NALCN: variants seen among roughly 807,000 people sequenced by gnomAD.
The protein encoded by NALCN is sodium leak channel NALCN.
NALCN carries 111 observed loss-of-function variants against 225.3 expected under a neutral mutation model. That is an observed-to-expected ratio of 0.49 (90% CI 0.42 to 0.58). The LOEUF (loss-of-function observed/expected upper bound fraction) is 0.58, where lower values mean the gene tolerates loss of function less well. Ranked by LOEUF, NALCN falls within the 20% of genes least tolerant of loss-of-function variation. The pLI is 0.00. For synonymous variants in NALCN, 764 were observed against 769.0 expected (o/e 0.99, Z 0.11); for missense variants, 1,378 against 2,202.4 (o/e 0.63, Z 7.49).
intron 40 of NALCN, among the ~76,000 whole-genome samples, chr13:101,064,511 A>C (rs562105090): frequency 6.6e-6 from 1 of 152,192 alleles, no homozygotes; most frequent in African/African-American, 2.4e-5. Flanking sequence ...ATGGACTCCT[A>C]ATGTAATACG....
At chr13:101,345,444 T>C (rs200829438) in intron 6 of NALCN, 24 bp from the exon 7 acceptor site, 3 of 1,604,002 alleles carry the variant, frequency 1.9e-6, no homozygotes, top group East Asian at 2.2e-5. Flanking sequence ...ATGAAAGTGT[T>C]AGACAATTTC....
chr13:101,247,864 C>T (rs2041946885), intron 11 of NALCN, among the ~76,000 whole-genome samples: 1 of 152,072 alleles, frequency 6.6e-6, no homozygotes, highest in African/African-American at 2.4e-5. Context: ...CCATGTTCAG[C>T]TATTCAGTGT....
intron 10 of NALCN, among the ~76,000 whole-genome samples, chr13:101,272,519 T>C (rs2042829785): frequency 6.6e-6 from 1 of 152,094 alleles, no homozygotes; most frequent in Admixed American, 6.5e-5. Context: ...AATCAAGGAA[T>C]CAGAGATCAC....
chr13:101,398,860 T>C (rs906469565), intron 2 of NALCN, among the ~76,000 whole-genome samples, 159 bp downstream of exon 2: 10 of 152,176 alleles, frequency 6.6e-5, no homozygotes, highest in African/African-American at 2.4e-4. Flanking sequence ...GACATCTCAC[T>C]ATTTCATTGG....
At chr13:101,241,645 G>T (rs2041762688) in intron 11 of NALCN, among the ~76,000 whole-genome samples, 1 of 152,016 alleles carries the variant, frequency 6.6e-6, no homozygotes, top group Non-Finnish European at 1.5e-5. Context: ...GTTTCACCAT[G>T]TTGGCCAGGT....
In NALCN at chr13:101,104,388, C is replaced by T; in HGVS notation, c.2796G>A (p.Glu932=). 1 of 1,613,760 alleles carries T rather than the reference C, an allele frequency of 6.2e-7. No homozygotes were observed. The highest frequency in any genetic ancestry group is 2.2e-5 in the East Asian group (1 of 44,868). Residue 932 remains glutamate, a synonymous_variant, in exon 25 of 44, where the codon GAG becomes GAA. Coordinates refer to ENST00000251127, the MANE Select transcript of NALCN (RefSeq NM_052867.4). This position sits in a 1 kb window ranked among gnomAD's most constrained non-coding sequence, Gnocchi z 4.2. ...EYVFVIFMSI[E]LNLKIMADGL... ...CATCTGCCATAATCTTCAGATTAAG[C>T]TCAATGCTCATGAATATCACAAACA...
intron 15 of NALCN, among the ~76,000 whole-genome samples, chr13:101,154,090 G>A (rs543336531): frequency 4.5e-4 from 69 of 152,276 alleles, no homozygotes; most frequent in African/African-American, 1.2e-3. Context: ...GTAAACACGC[G>A]TGCTGGATAT....
rs71121162 is a variant in NALCN, at chr13:101,070,063, G to GTTTTTTTTTTTTTT, written c.4198-1250_4198-1237dup. On this transcript the variant is annotated intron_variant, in intron 37 of 43. Transcript: ENST00000251127. Reference sequence around the variant, plus strand: ...TGACCTCCTTCCATGAATCATGAATGTTTTTTTTTTTTTTTTTTTTTGAGA... The same window carrying GTTTTTTTTTTTTTT: ...TGACCTCCTTCCATGAATCATGAATGTTTTTTTTTTTTTTTTTTTTTTTTTTTTTTTTTTTGAGA... Among the ~76,000 whole-genome samples the GTTTTTTTTTTTTTT allele has an allele frequency of 1.1e-4, 11 of 98,312 alleles. 1 individual carries two copies. The highest frequency in any genetic ancestry group is 1.5e-4 in the Non-Finnish European group (8 of 54,172). 64.5% of individuals were successfully genotyped at this position (98,312 alleles called of 152,430 possible).
At chr13:101,300,084 T>C (rs1294074009) in intron 7 of NALCN, among the ~76,000 whole-genome samples, 1 of 151,224 alleles carries the variant, frequency 6.6e-6, no homozygotes, top group Non-Finnish European at 1.5e-5. Flanking sequence ...CTCAACATAA[T>C]GAACATTTGT....
chr13:101,328,956 C>G (rs1191324239), intron 7 of NALCN, among the ~76,000 whole-genome samples: 2 of 152,182 alleles, frequency 1.3e-5, no homozygotes, highest in Admixed American at 1.3e-4. Flanking sequence ...AGCCCTGTCT[C>G]TGTCCCCTAA....
chr13:101,063,430 C>A (rs2032121747), intron 40 of NALCN, among the ~76,000 whole-genome samples: 1 of 152,196 alleles, frequency 6.6e-6, no homozygotes, highest in African/African-American at 2.4e-5. Context: ...AGCCCCATCA[C>A]AGATTTTGCC....
chr13:101,088,399 G>A (rs559593342), intron 30 of NALCN, among the ~76,000 whole-genome samples: 8 of 152,214 alleles, frequency 5.3e-5, no homozygotes, highest in Admixed American at 2.0e-4. Context: ...CGAGCAGCAC[G>A]GTGCTTTACA....
rs570804394 is a variant in NALCN at position 101,256,988 on chromosome 13, C to T, written c.1266+1455G>A. ...CCATGTTGGCCAGGCTTGTCTCGAA[C>T]TCCTGACCTCGTGATCCACCCGCCT... is the stretch of plus-strand genomic sequence containing the variant. On this transcript the variant is annotated intron_variant, in intron 11 of 43. Coordinates refer to ENST00000251127, the MANE Select transcript of NALCN (RefSeq NM_052867.4). Among the ~76,000 whole-genome samples the T allele has an allele frequency of 8.7e-4, 133 of 152,220 alleles. 1 individual carries two copies. The highest frequency in any genetic ancestry group is 9.4e-4 in the Non-Finnish European group (64 of 67,986).
intron 33 of NALCN, 59 bp downstream of exon 33, chr13:101,082,750 C>G (rs2033723048): frequency 6.4e-7 from 1 of 1,556,868 alleles, no homozygotes; most frequent in South Asian, 1.1e-5. Flanking sequence ...AAGAGGGAGG[C>G]TGATTTACTT....
intron 17 of NALCN, among the ~76,000 whole-genome samples, chr13:101,134,520 TTAA>T (rs1187792137): frequency 1.3e-5 from 2 of 152,260 alleles, no homozygotes; most frequent in African/African-American, 4.8e-5. Context: ...GAAAATTGAA[TTAA>T]TTTCATAATA....
At chr13:101,334,959 C>T (rs985923325) in intron 7 of NALCN, among the ~76,000 whole-genome samples, 1 of 152,148 alleles carries the variant, frequency 6.6e-6, no homozygotes, top group African/African-American at 2.4e-5. Flanking sequence ...ATCATTAAAT[C>T]TCTTACATTA....
intron 15 of NALCN, among the ~76,000 whole-genome samples, chr13:101,153,701 A>G (rs537524612): frequency 1.3e-5 from 2 of 152,234 alleles, no homozygotes; most frequent in African/African-American, 4.8e-5. Context: ...CCAATGGTCA[A>G]TTGGTCATCC....
At chr13:101,134,920 T>C (rs2036696669) in intron 17 of NALCN, among the ~76,000 whole-genome samples, 1 of 151,992 alleles carries the variant, frequency 6.6e-6, no homozygotes, top group African/African-American at 2.4e-5. Flanking sequence ...AATGCCCGGG[T>C]GCGGAGACTC....
In NALCN at chr13:101,089,221, T is replaced by C. The variant is rs1010438486; in HGVS notation, c.3489+442A>G. Among the ~76,000 whole-genome samples, 1 of 152,196 alleles carries C rather than the reference T, an allele frequency of 6.6e-6. No homozygotes were observed. Among genetic ancestry groups the C allele is most frequent in the Non-Finnish European group, 1.5e-5 (1 of 68,030 alleles). On this transcript the variant is annotated intron_variant, in intron 30 of 43. Transcript: ENST00000251127. This position sits in a 1 kb window ranked among gnomAD's most constrained non-coding sequence, Gnocchi z 4.7. ...CCACAAAATCTTTTTTTCTGTGAATTAGGATTTTGAAATTTCTACCAGACT... is the reference window on the plus strand; with the variant it reads ...CCACAAAATCTTTTTTTCTGTGAATCAGGATTTTGAAATTTCTACCAGACT...
Sources: allele counts gnomAD v4.1 joint callset (sites outside exome capture counted in the v4.1 genomes callset), GRCh38; gene constraint gnomAD v4.1.1; non-coding constraint Gnocchi (gnomAD v3.1); transcripts MANE v1.5; gene names NCBI Gene and HGNC (gene_info 2026-07-23, HGNC 2026-07-21).